Variants in PARG observed in about 807,000 individuals in gnomAD.
The protein encoded by PARG is mitochondrial poly(ADP-ribose) glycohydrolase.
PARG carries 35 observed loss-of-function variants against 113.0 expected under a neutral mutation model. The observed-to-expected ratio is 0.31, with a 90% CI of 0.24 to 0.41. The LOEUF (loss-of-function observed/expected upper bound fraction) is 0.41. Among genes scored for constraint, PARG ranks in the 10% least tolerant of loss-of-function variants. The probability of loss-of-function intolerance (pLI) is 1.00; values close to 1 mark genes in which losing one functional copy is unlikely to be tolerated. For missense variants in PARG, 797 were observed against 1,169.4 expected (o/e 0.68, Z 4.64); for synonymous variants, 330 against 409.9 (o/e 0.81, Z 2.36).
At chr10:49,862,086 C>CGTGTGTGTGTGTGTGT (rs35142553) in intron 11 of PARG, among the ~76,000 whole-genome samples, 6 of 143,024 alleles carry the variant, frequency 4.2e-5, no homozygotes, top group African/African-American at 1.6e-4. Flanking sequence ...GTTTCATAAC[C>CGTGTGTGTGTGTGTGT]GTGTGTGTGT....
At chr10:49,866,811 A>G (rs1207327498) in intron 10 of PARG, among the ~76,000 whole-genome samples, 1 of 152,170 alleles carries the variant, frequency 6.6e-6, no homozygotes, top group Admixed American at 6.5e-5. Flanking sequence ...AAATCACAAT[A>G]TATACTATAT....
chr10:49,936,652 A>T (rs1321610367), intron 1 of PARG, among the ~76,000 whole-genome samples: 2,459 of 152,262 alleles, frequency 0.016, 24 homozygotes, highest in Non-Finnish European at 0.024. Context: ...ACATTCGCAA[A>T]TGTTTAAGAT....
chr10:49,820,326 T>C, intron 16 of PARG, 33 bp from the exon 17 acceptor site: 1 of 1,512,442 alleles, frequency 6.6e-7, no homozygotes, highest in South Asian at 1.2e-5. Flanking sequence ...GGCTATATCA[T>C]GACATTTTCC....
intron 10 of PARG, among the ~76,000 whole-genome samples, chr10:49,869,245 T>C (rs1554837440): frequency 2.0e-5 from 3 of 152,178 alleles, no homozygotes; most frequent in Admixed American, 1.3e-4. Context: ...TTTCAGAGAA[T>C]ATGGGTCCGA....
intron 6 of PARG, among the ~76,000 whole-genome samples, chr10:49,920,461 A>ATATAT (rs1554848881): frequency 1.7e-4 from 8 of 48,266 alleles, no homozygotes; most frequent in Non-Finnish European, 1.7e-4. Context: ...TAAAAAAAAA[A>ATATAT]AAATATATAT....
chr10:49,848,929 T>A (rs1483124804), intron 13 of PARG, among the ~76,000 whole-genome samples: 1 of 151,626 alleles, frequency 6.6e-6, no homozygotes, highest in Non-Finnish European at 1.5e-5. Flanking sequence ...TAGACATGTG[T>A]CAAAGACAAA....
chr10:49,886,571 TAAAC>T (rs1217164918), intron 7 of PARG, among the ~76,000 whole-genome samples: 3 of 152,148 alleles, frequency 2.0e-5, no homozygotes, highest in Non-Finnish European at 4.4e-5. Context: ...TACAGAAAAT[TAAAC>T]AAAAGACAAT....
At chr10:49,829,770 A>G (rs1844566812) in intron 16 of PARG, among the ~76,000 whole-genome samples, 1 of 152,244 alleles carries the variant, frequency 6.6e-6, no homozygotes, top group African/African-American at 2.4e-5. Context: ...TATATTCACA[A>G]TTTAATTTTA....
At chr10:49,869,999 G>A (rs1846715573) in intron 9 of PARG, among the ~76,000 whole-genome samples, 1 of 152,148 alleles carries the variant, frequency 6.6e-6, no homozygotes, top group Non-Finnish European at 1.5e-5. Flanking sequence ...GAGTGGAGGG[G>A]AATGGGGGCA....
rs1554849602 is a variant in PARG at position 49,922,562 on chromosome 10, G to A, written c.1563C>T (p.Tyr521=). Residue 521 remains tyrosine, a synonymous_variant, in exon 5 of 18, where the codon TAC becomes TAT. Transcript: ENST00000616448. ...TTGTTCTTACCTCATCTTCCACTGG[G>A]TACAAATTTTGTTCTGAACAAGGCA... ...VKMPCSEQNL[Y]PVEDENGERT... is the part of the protein sequence containing the mutation. The A allele has an allele frequency of 1.2e-6, 2 of 1,611,082 alleles. No individual in the cohort carries two copies. Among genetic ancestry groups the A allele is most frequent in the South Asian group, 2.2e-5 (2 of 90,766 alleles).
At chr10:49,874,635 A>C (rs1554838118) in intron 9 of PARG, among the ~76,000 whole-genome samples, 1 of 150,264 alleles carries the variant, frequency 6.7e-6, no homozygotes, top group African/African-American at 2.4e-5. Flanking sequence ...CTGGTGGATC[A>C]CGAGTTCAGG....
intron 16 of PARG, among the ~76,000 whole-genome samples, chr10:49,823,560 C>G (rs1206903567): frequency 6.6e-6 from 1 of 152,014 alleles, no homozygotes; most frequent in Non-Finnish European, 1.5e-5. Context: ...ATTAAAACTG[C>G]TCAACCAACT....
intron 10 of PARG, among the ~76,000 whole-genome samples, chr10:49,865,627 C>T (rs1465864983): frequency 1.7e-4 from 24 of 144,960 alleles, no homozygotes; most frequent in African/African-American, 6.1e-4. Context: ...CTTCACTAAA[C>T]GAAACTATAC....
intron 16 of PARG, among the ~76,000 whole-genome samples, chr10:49,828,780 C>T (rs1844501105): frequency 6.6e-6 from 1 of 152,030 alleles, no homozygotes; most frequent in South Asian, 2.1e-4. Flanking sequence ...GAGGCTGAAA[C>T]AGGAGGATCC....
intron 7 of PARG, among the ~76,000 whole-genome samples, chr10:49,911,649 T>C (rs1837191168): frequency 6.6e-6 from 1 of 152,240 alleles, no homozygotes; most frequent in Admixed American, 6.5e-5. Flanking sequence ...TGCTGGTTTC[T>C]GAAAAACTAA....
At chr10:49,901,615 A>G (rs2132747838) in intron 7 of PARG, among the ~76,000 whole-genome samples, 1 of 152,284 alleles carries the variant, frequency 6.6e-6, no homozygotes, top group East Asian at 1.9e-4. Context: ...TAATTTTCCT[A>G]AAAGGCTTGA....
chr10:49,940,881 T>C (rs1419226687), intron 1 of PARG, among the ~76,000 whole-genome samples: 1 of 152,154 alleles, frequency 6.6e-6, no homozygotes, highest in East Asian at 1.9e-4. Flanking sequence ...TCCTACTCAT[T>C]CTACAGTCCT....
intron 7 of PARG, among the ~76,000 whole-genome samples, chr10:49,902,529 C>T (rs1490787293): frequency 6.6e-6 from 1 of 152,184 alleles, no homozygotes; most frequent in Non-Finnish European, 1.5e-5. Flanking sequence ...CAGCCTCTCC[C>T]TTCTACTGAA....
intron 16 of PARG, among the ~76,000 whole-genome samples, chr10:49,822,980 G>A (rs1343921727): frequency 6.6e-6 from 1 of 152,184 alleles, no homozygotes; most frequent in Non-Finnish European, 1.5e-5. Context: ...ACTAAATGCA[G>A]TAGCTGACCC....
Sources: gnomAD v4.1 joint callset for allele counts (sites outside exome capture counted in the v4.1 genomes callset) on GRCh38, gnomAD v4.1.1 for gene constraint, MANE v1.5 for transcripts, NCBI Gene and HGNC (gene_info 2026-07-23, HGNC 2026-07-21) for gene names.